The following TMEM108 variants were observed in gnomAD, a reference collection of about 807,000 sequenced individuals.
TMEM108 encodes transmembrane protein 108, also known as cancer/testis antigen 124.
TMEM108 carries 12 observed loss-of-function variants against 35.1 expected under a neutral mutation model. The ratio of observed to expected loss-of-function variants is 0.34; its 90% CI spans 0.22 to 0.55. The LOEUF is 0.55. TMEM108 is among the 20% of genes least tolerant of loss of function. The pLI, the probability that TMEM108 is intolerant of heterozygous loss-of-function variation, is 0.89. For missense variants in TMEM108, 680 were observed against 753.3 expected, an observed-to-expected ratio of 0.90 and a Z score of 1.14; for synonymous variants, 287 against 308.6, an observed-to-expected ratio of 0.93 and a Z score of 0.73.
intron 1 of TMEM108, chr3:133,041,702 G>C (rs1204708862): frequency 2.5e-5 from 3 of 118,526 alleles, no homozygotes; most frequent in Non-Finnish European, 3.6e-5. Context: ...AACGCACCCG[G>C]CATATGTATT....
Position 133,379,763 on chromosome 3 carries a change from A to T in TMEM108, c.52A>T (p.Ile18Phe), listed in dbSNP as rs770672105. ...GTCTCCTTTTCAAGGTTTCCTGCTG[A>T]TCTTGGCACTGACCGAAGCGCTGGC... ...LYCQLLSFLLILALTEALAFA... is the reference protein window; with the variant it reads ...LYCQLLSFLLFLALTEALAFA... Residue 18 changes from isoleucine to phenylalanine, a missense_variant, in exon 4 of 6, where the codon ATC (isoleucine) becomes TTC (phenylalanine). By Grantham distance (21) the Ile-to-Phe change is conservative. This residue lies in a region of TMEM108 where 49 missense variants were observed against 70.6 expected (regional missense o/e 0.69). Transcript: ENST00000321871. The T allele has an allele frequency of 3.1e-6, 5 of 1,612,968 alleles. No homozygotes were observed. The African/African-American group carries it at 6.7e-5, about 22-fold the overall frequency.
chr3:133,309,257 T>C (rs1027847754), intron 3 of TMEM108, among the ~76,000 whole-genome samples: 1 of 152,216 alleles, frequency 6.6e-6, no homozygotes, highest in African/African-American at 2.4e-5. Context: ...TCTCTTTTCT[T>C]CTTTATTAGT....
At chr3:133,052,739 G>T (rs1241597739) in intron 2 of TMEM108, among the ~76,000 whole-genome samples, 1 of 151,898 alleles carries the variant, frequency 6.6e-6, no homozygotes, top group Admixed American at 6.6e-5. Flanking sequence ...GTTTTCTCAA[G>T]GGGGGTGCTA....
chr3:133,164,346 C>T (rs544777687), intron 2 of TMEM108, among the ~76,000 whole-genome samples: 4 of 152,156 alleles, frequency 2.6e-5, no homozygotes, highest in Non-Finnish European at 5.9e-5. Context: ...TGCTTTAACA[C>T]AGTTTCTAGC....
chr3:133,147,458 G>A lies in TMEM108; in HGVS notation c.-46-81808G>A, dbSNP rs191019714. On this transcript the variant is annotated intron_variant, in intron 2 of 5. Coordinates refer to ENST00000321871, the MANE Select transcript of TMEM108 (RefSeq NM_023943.4). ...TGGTGTGAGATGGTATCTCTTTGTGGTTTTGATTTGCATTTCTCTAATGAT... is the reference window on the plus strand; with the variant it reads ...TGGTGTGAGATGGTATCTCTTTGTGATTTTGATTTGCATTTCTCTAATGAT... 3.6e-3 allele frequency among the ~76,000 whole-genome samples: 548 copies of A among 152,192 alleles called. 4 individuals are homozygous for A. The highest frequency in any genetic ancestry group is 4.2e-3 in the Non-Finnish European group (287 of 67,996).
At chr3:133,206,383 T>C (rs759803475) in intron 2 of TMEM108, among the ~76,000 whole-genome samples, 24 of 152,262 alleles carry the variant, frequency 1.6e-4, no homozygotes, top group Non-Finnish European at 2.2e-4. Flanking sequence ...AGAGGTGTTC[T>C]GGTTTTTGGA....
intron 3 of TMEM108, among the ~76,000 whole-genome samples, chr3:133,277,216 G>T (rs1946850798): frequency 6.6e-6 from 1 of 152,006 alleles, no homozygotes; most frequent in African/African-American, 2.4e-5. Context: ...TTTTGTAATT[G>T]TTAAAGTTTC....
intron 2 of TMEM108, among the ~76,000 whole-genome samples, chr3:133,129,408 C>G (rs964590374): frequency 1.4e-5 from 2 of 144,748 alleles, no homozygotes; most frequent in Non-Finnish European, 3.0e-5. Flanking sequence ...GGTGAAAATG[C>G]ATGGTAACAA....
chr3:133,206,430 T>G (rs1357722600), intron 2 of TMEM108, among the ~76,000 whole-genome samples: 1 of 152,222 alleles, frequency 6.6e-6, no homozygotes, highest in African/African-American at 2.4e-5. Context: ...TCCTCATCTT[T>G]GTGGATTTAT....
chr3:133,116,837 G>A (rs899026240), intron 2 of TMEM108, among the ~76,000 whole-genome samples: 2 of 152,148 alleles, frequency 1.3e-5, no homozygotes, highest in African/African-American at 4.8e-5. Flanking sequence ...GCGCAATGGC[G>A]TGATCTCTGC....
intron 3 of TMEM108, among the ~76,000 whole-genome samples, chr3:133,328,242 G>T: frequency 6.6e-6 from 1 of 152,306 alleles, no homozygotes; most frequent in East Asian, 1.9e-4. Flanking sequence ...TAGGACAACG[G>T]TGTGTGCCTA....
At chr3:133,298,855 GT>G (rs1324334148) in intron 3 of TMEM108, among the ~76,000 whole-genome samples, 1 of 152,086 alleles carries the variant, frequency 6.6e-6, no homozygotes, top group Non-Finnish European at 1.5e-5. Flanking sequence ...ACTGCTTATA[GT>G]TTTTTATAAT....
At chr3:133,391,593 T>C (rs536941042) in intron 5 of TMEM108, among the ~76,000 whole-genome samples, 54 of 152,190 alleles carry the variant, frequency 3.5e-4, no homozygotes, top group Middle Eastern at 3.4e-3. Context: ...CCCCATCTTT[T>C]GCTAAGCTCC....
chr3:133,069,794 C>T (rs1295046188), intron 2 of TMEM108, among the ~76,000 whole-genome samples: 6 of 152,064 alleles, frequency 3.9e-5, no homozygotes, highest in African/African-American at 4.8e-5. Flanking sequence ...GTCAAAGTCC[C>T]GCTGTATAAT....
chr3:133,172,364 T>A (rs1178246180), intron 2 of TMEM108, among the ~76,000 whole-genome samples: 1 of 152,240 alleles, frequency 6.6e-6, no homozygotes, highest in Non-Finnish European at 1.5e-5. Flanking sequence ...GTTGGAAAAC[T>A]GCTTTGAATC....
chr3:133,335,578 G>A (rs2071478174), intron 3 of TMEM108, among the ~76,000 whole-genome samples: 1 of 152,174 alleles, frequency 6.6e-6, no homozygotes. Flanking sequence ...TTAGTCTTTA[G>A]TAAATTATGG....
In TMEM108 at chr3:133,057,773, C is replaced by A. The variant is rs116670927; in HGVS notation, c.-47+11753C>A. Among the ~76,000 whole-genome samples the A allele has an allele frequency of 2.0e-3, 306 of 152,212 alleles. 2 individuals carry two copies. Among genetic ancestry groups the A allele is most frequent in the African/African-American group, 7.1e-3 (294 of 41,526 alleles). On this transcript the variant is annotated intron_variant, in intron 2 of 5. Transcript: ENST00000321871. ...AAATTAAGATACTTTGAAAAAGATT[C>A]ATAATCAGAAATATTATCTAGTTTA...
intron 2 of TMEM108, among the ~76,000 whole-genome samples, chr3:133,057,463 A>C (rs1466109504): frequency 2.3e-5 from 1 of 43,694 alleles, no homozygotes; most frequent in African/African-American, 6.3e-5. Context: ...ATATATATAT[A>C]TATATATATA....
intron 2 of TMEM108, among the ~76,000 whole-genome samples, chr3:133,088,805 G>T (rs932282911): frequency 1.3e-5 from 2 of 152,186 alleles, no homozygotes; most frequent in Non-Finnish European, 2.9e-5. Flanking sequence ...AAGATTGACT[G>T]TGTCACAGCC....
Sources: gnomAD v4.1 joint callset for allele counts (sites outside exome capture counted in the v4.1 genomes callset) on GRCh38, gnomAD v4.1.1 for gene constraint, gnomAD v4.1.1 regional missense constraint, MANE v1.5 for transcripts, NCBI Gene and HGNC (gene_info 2026-07-23, HGNC 2026-07-21) for gene names.